Variants in CATSPERE observed in about 807,000 individuals in gnomAD.
CATSPERE encodes catsper channel auxiliary subunit epsilon.
Under a neutral mutation model 114.1 loss-of-function variants are expected in CATSPERE, and 93 were observed. The ratio of observed to expected loss-of-function variants is 0.81; its 90% CI spans 0.69 to 0.97. CATSPERE has a LOEUF of 0.97. Among genes scored for constraint, CATSPERE ranks in the 50% least tolerant of loss-of-function variants. CATSPERE has a pLI of 0.00. For missense variants in CATSPERE, 1,058 were observed against 1,131.6 expected (o/e 0.93, Z 0.93); for synonymous variants, 341 against 384.1 (o/e 0.89, Z 1.31).
chr1:244,593,490 C>G lies in CATSPERE; in HGVS notation c.2224-9C>G. 6.2e-7 allele frequency: 1 copy of G among 1,613,608 alleles called. No homozygotes were observed. The highest frequency in any genetic ancestry group is 1.1e-5 in the South Asian group (1 of 90,952). On this transcript the variant is annotated splice_polypyrimidine_tract_variant and intron_variant, in intron 16 of 21. Coordinates refer to ENST00000366534, the MANE Select transcript of CATSPERE (RefSeq NM_001130957.2). ...ATATAAAATCACTAAAGTAGTTTTCCTTTTCTAGAGAGTAAGGTATATTTG... is the reference window on the plus strand; with the variant it reads ...ATATAAAATCACTAAAGTAGTTTTCGTTTTCTAGAGAGTAAGGTATATTTG...
At chr1:244,565,627 TCTCTC>T (rs1190487531) in intron 10 of CATSPERE, among the ~76,000 whole-genome samples, 2 of 152,134 alleles carry the variant, frequency 1.3e-5, no homozygotes, top group African/African-American at 2.4e-5. Context: ...ATTTGGTTCT[TCTCTC>T]CTTTCTTCTT....
intron 5 of CATSPERE, among the ~76,000 whole-genome samples, chr1:244,489,588 A>G (rs1254357481): frequency 6.7e-6 from 1 of 149,478 alleles, no homozygotes; most frequent in African/African-American, 2.5e-5. Flanking sequence ...GGGTTTGAAG[A>G]GGAAGGCGGC....
At chr1:244,545,427 A>G (rs897886950) in intron 8 of CATSPERE, among the ~76,000 whole-genome samples, 1 of 152,218 alleles carries the variant, frequency 6.6e-6, no homozygotes, top group Non-Finnish European at 1.5e-5. Flanking sequence ...AGAAGGCTCT[A>G]GAATAAGTCT....
rs10524749 is a variant in CATSPERE, at chr1:244,489,450, ATTTTTT to A, written c.327-971_327-966del. On this transcript the variant is annotated intron_variant, in intron 5 of 21. Transcript: ENST00000366534. ...CTTGCAGTATTAAGGAAGCATGCAG[ATTTTTT>A]TTTTTTTTTTTTTTTTTTTTTTTTT... 7.3e-3 allele frequency among the ~76,000 whole-genome samples: 626 copies of A among 85,518 alleles called. 9 individuals are homozygous for A. Among genetic ancestry groups the A allele is most frequent in the East Asian group, 0.023 (64 of 2,754 alleles). 56.1% of individuals were successfully genotyped at this position (85,518 alleles called of 152,430 possible).
chr1:244,596,415 T>G (rs1454604796), intron 17 of CATSPERE, among the ~76,000 whole-genome samples: 1 of 152,218 alleles, frequency 6.6e-6, no homozygotes, highest in Non-Finnish European at 1.5e-5. Context: ...CTAATAAACT[T>G]GCTTTCTTTC....
chr1:244,550,249 C>T (rs946960374), intron 8 of CATSPERE, among the ~76,000 whole-genome samples: 4 of 152,134 alleles, frequency 2.6e-5, no homozygotes, highest in Non-Finnish European at 5.9e-5. Context: ...GGCAACCACT[C>T]ATAATAAATC....
chr1:244,469,327 A>G (rs1332741668), intron 2 of CATSPERE, among the ~76,000 whole-genome samples: 1 of 152,240 alleles, frequency 6.6e-6, no homozygotes, highest in Non-Finnish European at 1.5e-5. Flanking sequence ...TATGGAGTAC[A>G]TATAAGGAGA....
intron 7 of CATSPERE, among the ~76,000 whole-genome samples, chr1:244,507,402 T>C (rs1158659407): frequency 6.6e-6 from 1 of 152,228 alleles, no homozygotes; most frequent in Non-Finnish European, 1.5e-5. Flanking sequence ...ATCAGATGAA[T>C]AGTTTGCAAG....
intron 21 of CATSPERE, 53 bp downstream of exon 21, chr1:244,635,595 T>G: frequency 7.0e-7 from 1 of 1,422,854 alleles, no homozygotes; most frequent in South Asian, 1.2e-5. Flanking sequence ...AAGACACAAA[T>G]GGCAGCTAAG....
intron 17 of CATSPERE, chr1:244,598,438 C>G (rs893547559): frequency 1.2e-5 from 2 of 162,120 alleles, no homozygotes; most frequent in African/African-American, 4.8e-5. Flanking sequence ...TTCTGCCTTC[C>G]TTTTAACACC....
At chr1:244,580,182 G>T (rs1321822714) in intron 11 of CATSPERE, among the ~76,000 whole-genome samples, 1 of 149,838 alleles carries the variant, frequency 6.7e-6, no homozygotes, top group Non-Finnish European at 1.5e-5. Flanking sequence ...GATTACAGGT[G>T]CATGCCACCA....
chr1:244,460,820 A>G (rs1666622049), upstream of CATSPERE, among the ~76,000 whole-genome samples: 1 of 152,266 alleles, frequency 6.6e-6, no homozygotes, highest in Non-Finnish European at 1.5e-5. Flanking sequence ...AGGCTGAAGC[A>G]GGAGAATCGC....
In CATSPERE at chr1:244,581,867, T is replaced by G; in HGVS notation, c.2009+13T>G. The G allele has an allele frequency of 8.3e-7, 1 of 1,212,088 alleles. No homozygotes were observed. Among genetic ancestry groups the G allele is most frequent in the Non-Finnish European group, 1.2e-6 (1 of 852,550 alleles). The allele number at this position is 1,212,088 out of a possible 1,614,324, so 75.1% of individuals were successfully genotyped here. On this transcript the variant is annotated intron_variant, in intron 12 of 21. Coordinates refer to ENST00000366534, the MANE Select transcript of CATSPERE (RefSeq NM_001130957.2). ...ACTTTGAGACACAGTAAGTATAACT[T>G]TTAAAAGAACTTTCTCAGTATCAAA...
chr1:244,481,789 G>A (rs1331764612), intron 5 of CATSPERE, among the ~76,000 whole-genome samples: 1 of 152,154 alleles, frequency 6.6e-6, no homozygotes, highest in East Asian at 1.9e-4. Flanking sequence ...TCCGCCATGC[G>A]AGGACCCAGT....
intron 6 of CATSPERE, among the ~76,000 whole-genome samples, chr1:244,492,386 A>T (rs1422526721): frequency 6.6e-6 from 1 of 151,736 alleles, no homozygotes; most frequent in Non-Finnish European, 1.5e-5. Flanking sequence ...CTTTGACAAA[A>T]TTCAACAACC....
intron 9 of CATSPERE, among the ~76,000 whole-genome samples, chr1:244,553,620 C>CACACACACACACATATATACAT (rs1558484903): frequency 2.9e-4 from 41 of 139,238 alleles, no homozygotes; most frequent in Admixed American, 6.9e-4. Flanking sequence ...CACACACACA[C>CACACACACACACATATATACAT]ACACACACAC....
chr1:244,611,078 TA>T (rs961099406), intron 19 of CATSPERE, among the ~76,000 whole-genome samples: 1 of 152,146 alleles, frequency 6.6e-6, no homozygotes, highest in African/African-American at 2.4e-5. Context: ...CTATTTTATT[TA>T]ATATCATTAG....
At chr1:244,625,419 TA>T (rs1673020069) in intron 20 of CATSPERE, among the ~76,000 whole-genome samples, 1 of 28,668 alleles carries the variant, frequency 3.5e-5, no homozygotes, top group African/African-American at 1.4e-4. Flanking sequence ...TATATATATA[TA>T]TATATATATA....
rs1209257312 is a variant in CATSPERE, at chr1:244,575,234, G to A, written c.1950+2462G>A. Among the ~76,000 whole-genome samples, 1 of 152,198 alleles carries A rather than the reference G, an allele frequency of 6.6e-6. No individual in the cohort carries two copies. Among genetic ancestry groups the A allele is most frequent in the Non-Finnish European group, 1.5e-5 (1 of 68,036 alleles). ...GTGGGATCCTTGTGGCCACAGCCCA[G>A]GCCCCGGGCTGTTGCTGGCCCAGAG... On this transcript the variant is annotated intron_variant, in intron 11 of 21. Coordinates refer to ENST00000366534, the MANE Select transcript of CATSPERE (RefSeq NM_001130957.2). This position sits in a 1 kb window ranked among gnomAD's most constrained non-coding sequence, Gnocchi z 4.5.
Sources: gnomAD v4.1 joint callset for allele counts (sites outside exome capture counted in the v4.1 genomes callset) on GRCh38, gnomAD v4.1.1 for gene constraint, Gnocchi (gnomAD v3.1) non-coding constraint, MANE v1.5 for transcripts, NCBI Gene and HGNC (gene_info 2026-07-23, HGNC 2026-07-21) for gene names.